Variants in CHD4 observed in about 807,000 individuals in gnomAD.
CHD4 encodes chromodomain helicase DNA binding protein 4.
CHD4 carries 35 observed loss-of-function variants against 235.5 expected under a neutral mutation model. The observed-to-expected ratio is 0.15, with a 90% confidence interval of 0.11 to 0.20. The LOEUF is 0.20. CHD4 is among the 10% of genes least tolerant of loss of function. CHD4 has a pLI of 1.00. For missense variants in CHD4, 1,329 were observed against 2,432.3 expected, an observed-to-expected ratio of 0.55 and a Z score of 9.54; for synonymous variants, 900 against 850.2, an observed-to-expected ratio of 1.06 and a Z score of -1.02.
intron 34 of CHD4, 139 bp downstream of exon 34, chr12:6,578,707 T>C (rs1331903789): frequency 2.9e-6 from 4 of 1,362,498 alleles, no homozygotes; most frequent in South Asian, 1.2e-5. Flanking sequence ...CACTGACAAC[T>C]AAATGTGGGG....
rs776309576 is a variant in CHD4 at position 6,581,163 on chromosome 12, G to A, written c.4790C>T (p.Ala1597Val). The A allele has an allele frequency of 1.2e-6, 2 of 1,613,836 alleles. No individual in the cohort carries two copies. The highest frequency in any genetic ancestry group is 1.7e-5 in the Admixed American group (1 of 59,920). Reference protein sequence around the residue: ...APETAIECTQAPAPASEDEKV... With the variant: ...APETAIECTQVPAPASEDEKV... ...TTCATCCTCTGAGGCAGGGGCAGGG[G>A]CCTGTGTACACTTCAAAGGAAAAAA... The change falls in exon 33 of 40, where the codon GCC (alanine) becomes GTC (valine). Residue 1597 changes from alanine (A) to valine (V), a missense_variant. By Grantham distance (64) the Ala-to-Val change is moderately conservative (BLOSUM62 0). Around this residue, in one of 26 missense-constraint regions of CHD4, gnomAD observed 219 missense variants for 219.3 expected, o/e 1.00. Transcript: ENST00000544040.
chr12:6,601,357 G>C lies in CHD4; in HGVS notation c.731C>G (p.Thr244Ser). 6.2e-7 allele frequency: 1 copy of C among 1,614,122 alleles called. No homozygotes were observed. Among genetic ancestry groups the C allele is most frequent in the Non-Finnish European group, 8.5e-7 (1 of 1,180,020 alleles). ...VAVVESMVTA[T>S]EVAPPPPPVE... The stretch of plus-strand genomic sequence containing the variant: ...AGGGGGAGGTGGTGGTGCAACCTCA[G>C]TGGCTGTCACCATGCTCTCCACCAC... Residue 244 changes from threonine to serine, a missense_variant, in exon 6 of 40, where the codon ACT becomes AGT. Physicochemically the swap from Thr to Ser is moderately conservative, Grantham distance 58. Coordinates refer to ENST00000544040, the MANE Select transcript of CHD4 (RefSeq NM_001273.5).
At position 6,601,057 on chromosome 12, in the gene CHD4, A is replaced by G. The variant is rs772512300; in HGVS notation, c.800-4T>C. 1 of 1,563,634 alleles carries G rather than the reference A, an allele frequency of 6.4e-7. No individual in the cohort carries two copies. Among genetic ancestry groups the G allele is most frequent in the South Asian group, 1.2e-5 (1 of 83,184 alleles). ...GGCTTCCTCCGAGCATTGGGACCTA[A>G]AATCAGGATATATCCAAATATATAC... On this transcript the variant is annotated splice_polypyrimidine_tract_variant and splice_region_variant and intron_variant, in intron 6 of 39. Coordinates refer to ENST00000544040, the MANE Select transcript of CHD4 (RefSeq NM_001273.5).
chr12:6,591,534 T>C lies in CHD4; in HGVS notation c.3272A>G (p.Tyr1091Cys), dbSNP rs1948400873. 1.2e-6 allele frequency: 2 copies of C among 1,614,138 alleles called. No homozygotes were observed. The highest frequency in any genetic ancestry group is 2.2e-5 in the East Asian group (1 of 44,898). Reference protein sequence around the residue: ...LLEDFLEHEGYKYERIDGGIT... With the variant: ...LLEDFLEHEGCKYERIDGGIT... The stretch of plus-strand genomic sequence containing the variant: ...TCCACCATCGATGCGTTCGTATTTA[T>C]AACCTTCATGTTCCAAGAAATCCTC... Residue 1091 changes from tyrosine to cysteine, a missense_variant, in exon 22 of 40, where the codon TAT becomes TGT. Tyr to Cys is a radical substitution (Grantham distance 194). This residue lies in a region of CHD4 where 39 missense variants were observed against 83.8 expected (regional missense o/e 0.47). Transcript: ENST00000544040.
chr12:6,582,585 T>C (rs917813412), intron 29 of CHD4, 30 bp downstream of exon 29: 7 of 1,590,632 alleles, frequency 4.4e-6, no homozygotes, highest in Non-Finnish European at 6.0e-6. Flanking sequence ...GCCCTTGCTC[T>C]AGATCAGTCC....
At chr12:6,590,670 A>C (rs1948379244) in intron 22 of CHD4, among the ~76,000 whole-genome samples, 1 of 152,112 alleles carries the variant, frequency 6.6e-6, no homozygotes, top group Non-Finnish European at 1.5e-5. Context: ...AAATTTTTTT[A>C]GTTAGCTAGG....
chr12:6,570,222 A>G lies in CHD4; in HGVS notation c.*454T>C, dbSNP rs1947936462. ...TGGCTAGAGCCGCTGGGTTCCTGGT[A>G]TTAAAAAGATGCCAACAGAGGTAGC... On this transcript the variant is annotated 3_prime_UTR_variant, in exon 40 of 40. Coordinates refer to ENST00000544040, the MANE Select transcript of CHD4 (RefSeq NM_001273.5). The G allele has an allele frequency of 6.3e-6, 1 of 158,766 alleles. No homozygotes were observed. The highest frequency in any genetic ancestry group is 1.3e-5 in the Non-Finnish European group (1 of 74,100). 9.8% of individuals were successfully genotyped at this position (158,766 alleles called of 1,614,324 possible). A position where few individuals can be genotyped will look rare whatever the true frequency, so the allele number is the denominator to read the frequency against.
chr12:6,597,965 C>T lies in CHD4; in HGVS notation c.1821G>A (p.Glu607=). 6.2e-7 allele frequency: 1 copy of T among 1,614,210 alleles called. No individual in the cohort carries two copies. The highest frequency in any genetic ancestry group is 8.5e-7 in the Non-Finnish European group (1 of 1,180,038). Residue 607 remains glutamate, a synonymous_variant, in exon 12 of 40, where the codon GAG becomes GAA. Transcript: ENST00000544040. ...CATAGCGATAGAAGCGTTCCTCCAT[C>T]TCTGCAAATTTAGGGTCCTTGTTCT... ...KRKNKDPKFA[E]MEERFYRYGI...
chr12:6,583,452 C>T, intron 25 of CHD4, 74 bp from the exon 26 acceptor site: 1 of 1,315,496 alleles, frequency 7.6e-7, no homozygotes, highest in South Asian at 1.4e-5. Flanking sequence ...CCTCACAGTT[C>T]CCACTCTGCT....
rs200100295 is a variant in CHD4 at position 6,601,524 on chromosome 12, G to A, written c.564C>T (p.Leu188=). ...CAATCTTGGGATTTTTGGCAGCAAT[G>A]AGGGGTCTGGTGGAGAAATGCACAA... ...YKAFSQFVRP[L]IAAKNPKIAV... is the part of the protein sequence containing the mutation. The change falls in exon 6 of 40, where the codon CTC becomes CTT. Residue 188 remains leucine (L), a synonymous_variant. Transcript: ENST00000544040. The A allele has an allele frequency of 1.2e-6, 2 of 1,614,206 alleles. No homozygotes were observed. Among genetic ancestry groups the A allele is most frequent in the African/African-American group, 2.7e-5 (2 of 75,066 alleles).
At chr12:6,588,215 A>T (rs1948332572) in intron 23 of CHD4, 83 bp downstream of exon 23, 2 of 1,510,798 alleles carry the variant, frequency 1.3e-6, no homozygotes. Context: ...ACCTAATTCC[A>T]GATGGTGGAG....
intron 33 of CHD4, 72 bp downstream of exon 33, chr12:6,580,972 A>C (rs980541293): frequency 1.3e-6 from 2 of 1,561,764 alleles, no homozygotes; most frequent in African/African-American, 1.4e-5. Flanking sequence ...GCGCCACAGC[A>C]CTCCAGCCTG....
In CHD4 at chr12:6,583,509, G is replaced by A. The variant is rs560234946; in HGVS notation, c.3880-131C>T. 5.7e-5 allele frequency: 43 copies of A among 756,696 alleles called. No individual in the cohort carries two copies. In the African/African-American group the frequency reaches 7.2e-4, roughly 13 times the overall value. 46.9% of individuals were successfully genotyped at this position (756,696 alleles called of 1,614,324 possible). On this transcript the variant is annotated intron_variant, in intron 25 of 39. Transcript: ENST00000544040. ...TCTTAAATACTTGGTGTGCCTGTTT[G>A]GACCTAAGAACTTAGAAGAAATTTG...
intron 22 of CHD4, among the ~76,000 whole-genome samples, chr12:6,589,621 G>C (rs569133318): frequency 5.3e-5 from 8 of 151,612 alleles, no homozygotes; most frequent in Middle Eastern, 3.4e-3. Flanking sequence ...ACAAAAATTA[G>C]CCGGGCGTGG....
At chr12:6,576,922 T>A (rs1174927385) in intron 37 of CHD4, among the ~76,000 whole-genome samples, 7 of 150,982 alleles carry the variant, frequency 4.6e-5, no homozygotes, top group Non-Finnish European at 8.8e-5. Flanking sequence ...ATACTCAGCG[T>A]ACGAGACAAC....
rs147387698 is a variant in CHD4, at chr12:6,599,972, G to C, written c.1283C>G (p.Ser428Trp). The change falls in exon 10 of 40, where the codon TCG becomes TGG. Residue 428 changes from serine (S) to tryptophan (W), a missense_variant. By Grantham distance (177) the Ser-to-Trp change is radical. Around this residue, in one of 26 missense-constraint regions of CHD4, gnomAD observed 37 missense variants for 49.9 expected, o/e 0.74. Transcript: ENST00000544040. The part of the protein sequence containing the change: ...GIQWEAKEDN[S>W]EGEEILEEVG... Reference sequence around the variant, plus strand: ...CTCTTCCAGGATCTCCTCACCCTCCGAATTGTCCTCTTTAGCTTCCCACTG... The same window carrying C: ...CTCTTCCAGGATCTCCTCACCCTCCCAATTGTCCTCTTTAGCTTCCCACTG... The C allele has an allele frequency of 3.0e-5, 49 of 1,614,088 alleles. No homozygotes were observed. The highest frequency in any genetic ancestry group is 4.4e-5 in the South Asian group (4 of 91,080).
At chr12:6,573,448 C>T (rs1014727743) in intron 37 of CHD4, 179 bp from the exon 38 acceptor site, 1 of 422,328 alleles carries the variant, frequency 2.4e-6, no homozygotes, top group Non-Finnish European at 4.1e-6. Context: ...TTTTTTCTTT[C>T]CCTTTTTCAA....
At chr12:6,575,363 G>A (rs529065724) in intron 37 of CHD4, among the ~76,000 whole-genome samples, 1 of 151,486 alleles carries the variant, frequency 6.6e-6, no homozygotes, top group Non-Finnish European at 1.5e-5. Context: ...CAGGAGAATC[G>A]GTTGAAGCCA....
Position 6,601,397 on chromosome 12 carries a change from C to T in CHD4, c.691G>A (p.Ala231Thr). Residue 231 changes from alanine to threonine, a missense_variant, in exon 6 of 40, where the codon GCA becomes ACA. Physicochemically the swap from Ala to Thr is moderately conservative, Grantham distance 58. Coordinates refer to ENST00000544040, the MANE Select transcript of CHD4 (RefSeq NM_001273.5). ...SSGASVAAAA[A>T]AAVAVVESMV... ...CTCTCCACCACAGCTACCGCTGCTG[C>T]TGCCGCAGCTGCCACTGATGCCCCA... 1 of 1,614,170 alleles carries T rather than the reference C, an allele frequency of 6.2e-7. No individual in the cohort carries two copies. The highest frequency in any genetic ancestry group is 8.5e-7 in the Non-Finnish European group (1 of 1,180,022).
Sources: allele counts gnomAD v4.1 joint callset (sites outside exome capture counted in the v4.1 genomes callset), GRCh38; gene constraint gnomAD v4.1.1; regional missense constraint gnomAD v4.1.1; transcripts MANE v1.5; gene names NCBI Gene and HGNC (gene_info 2026-07-23, HGNC 2026-07-21).